Variants in UBR7 observed in about 807,000 individuals in gnomAD.
UBR7 encodes putative E3 ubiquitin-protein ligase UBR7.
Under a neutral mutation model 57.0 loss-of-function variants are expected in UBR7, and 22 were observed. The observed-to-expected ratio is 0.39, with a 90% CI of 0.28 to 0.55. UBR7 has a LOEUF of 0.55. UBR7 is among the 20% of genes least tolerant of loss of function. The pLI, the probability that UBR7 is intolerant of heterozygous loss-of-function variation, is 0.69. For synonymous variants in UBR7, 167 were observed against 179.8 expected (o/e 0.93, Z 0.57); for missense variants, 395 against 513.2 (o/e 0.77, Z 2.23).
chr14:93,211,091 C>T (rs1174433653), intron 3 of UBR7, among the ~76,000 whole-genome samples: 2 of 152,080 alleles, frequency 1.3e-5, no homozygotes, highest in Non-Finnish European at 2.9e-5. Context: ...CAAAAATTAG[C>T]TGGGCATGGT....
chr14:93,218,776 C>G (rs1167371106), intron 7 of UBR7, 41 bp downstream of exon 7: 2 of 1,594,188 alleles, frequency 1.3e-6, no homozygotes, highest in East Asian at 4.5e-5. Context: ...TAAGACTGGG[C>G]CAGGCGCGGT....
At chr14:93,207,994 A>C (rs192039217) in intron 1 of UBR7, among the ~76,000 whole-genome samples, 2 of 151,808 alleles carry the variant, frequency 1.3e-5, no homozygotes, top group African/African-American at 4.8e-5. Context: ...GCAAGTACCC[A>C]TGTCTATCTG....
At chr14:93,217,556 A>G (rs539228499) in intron 6 of UBR7, among the ~76,000 whole-genome samples, 1 of 152,288 alleles carries the variant, frequency 6.6e-6, no homozygotes, top group Admixed American at 6.5e-5. Context: ...TGTGTTTACA[A>G]TTCAATCTCT....
In UBR7 at chr14:93,211,312, C is replaced by T. The variant is rs189594534; in HGVS notation, c.345+604C>T. On this transcript the variant is annotated intron_variant, in intron 3 of 10. Transcript: ENST00000013070. ...CTGTAATCCTAGCACTTTGGGAGGC[C>T]GAGGCAGGTGGATCACTTGAGGTCA... Among the ~76,000 whole-genome samples the T allele has an allele frequency of 2.1e-3, 313 of 151,450 alleles. 1 individual carries two copies. Among genetic ancestry groups the T allele is most frequent in the African/African-American group, 6.9e-3 (285 of 41,206 alleles).
intron 8 of UBR7, 82 bp downstream of exon 8, chr14:93,219,443 A>G (rs1894660884): frequency 1.9e-6 from 3 of 1,553,392 alleles, no homozygotes; most frequent in South Asian, 1.2e-5. Context: ...AAAACATTCA[A>G]TTTTTGTACC....
At chr14:93,226,020 A>G (rs1894842572) in intron 10 of UBR7, among the ~76,000 whole-genome samples, 1 of 152,226 alleles carries the variant, frequency 6.6e-6, no homozygotes, top group Admixed American at 6.5e-5. Context: ...GGATGTGTTC[A>G]GCCTCTGCAT....
At position 93,228,470 on chromosome 14, in the gene UBR7, G is replaced by A; in HGVS notation, c.*1435G>A. ...CCAGCATCTGTGTATTCATTCGAGT[G>A]CCCAATCCCTGGATGAGATGAACTA... On this transcript the variant is annotated 3_prime_UTR_variant, in exon 11 of 11. Transcript: ENST00000013070. The A allele has an allele frequency of 2.2e-6, 1 of 454,070 alleles. No homozygotes were observed. Among genetic ancestry groups the A allele is most frequent in the Non-Finnish European group, 4.4e-6 (1 of 226,774 alleles). 28.1% of individuals were successfully genotyped at this position (454,070 alleles called of 1,614,324 possible).
At chr14:93,220,552 T>C (rs1595269178) in intron 9 of UBR7, 141 bp downstream of exon 9, 1 of 986,468 alleles carries the variant, frequency 1.0e-6, no homozygotes, top group East Asian at 2.6e-5. Flanking sequence ...ATTTTCATAT[T>C]GGTGGGTATT....
intron 5 of UBR7, 39 bp downstream of exon 5, chr14:93,215,021 A>G (rs1714854873): frequency 3.8e-6 from 6 of 1,577,352 alleles, no homozygotes; most frequent in Middle Eastern, 1.7e-4. Context: ...CATTGTTGTC[A>G]CAAAAAGATA....
At chr14:93,214,888 G>A (rs753467189) in intron 4 of UBR7, 41 bp from the exon 5 acceptor site, 37 of 1,567,422 alleles carry the variant, frequency 2.4e-5, no homozygotes, top group Non-Finnish European at 3.1e-5. Flanking sequence ...CCATGTTCCC[G>A]AATTCAATGT....
At chr14:93,219,150 A>T (rs1166385400) in intron 7 of UBR7, 62 bp from the exon 8 acceptor site, 2 of 1,571,818 alleles carry the variant, frequency 1.3e-6, no homozygotes, top group African/African-American at 2.7e-5. Flanking sequence ...TCTTTACAAA[A>T]TCTAAACTAT....
Position 93,228,125 on chromosome 14 carries a change from C to CA in UBR7, c.*1090_*1091insA. The stretch of plus-strand genomic sequence containing the variant: ...ATTACAAACAAGGCCCGAGGCTGCA[C>CA]GAATGATGAGTTTTGTGTATATAAT... On this transcript the variant is annotated 3_prime_UTR_variant, in exon 11 of 11. Transcript: ENST00000013070. 1 of 653,096 alleles carries CA rather than the reference C, an allele frequency of 1.5e-6. No homozygotes were observed. The highest frequency in any genetic ancestry group is 2.8e-6 in the Non-Finnish European group (1 of 355,398). 40.5% of individuals were successfully genotyped at this position (653,096 alleles called of 1,614,324 possible).
chr14:93,223,611 T>G, intron 10 of UBR7: 1 of 1,230,874 alleles, frequency 8.1e-7, no homozygotes, highest in Non-Finnish European at 1.2e-6. Context: ...GAAGAACGTG[T>G]TGGGCCTCTT....
chr14:93,217,646 G>A (rs1047008495), intron 6 of UBR7, among the ~76,000 whole-genome samples: 3 of 152,214 alleles, frequency 2.0e-5, no homozygotes, highest in South Asian at 4.1e-4. Flanking sequence ...TGCTTAAGCA[G>A]TGATTGATAT....
intron 10 of UBR7, chr14:93,223,623 G>T: frequency 7.4e-7 from 1 of 1,355,158 alleles, no homozygotes; most frequent in Non-Finnish European, 1.0e-6. Flanking sequence ...GGGCCTCTTG[G>T]TGGTGAAGCG....
chr14:93,221,109 C>G (rs1152437), intron 9 of UBR7, among the ~76,000 whole-genome samples: 36,252 of 150,322 alleles, frequency 0.24, 4,727 homozygotes, highest in South Asian at 0.35. Context: ...CTGCGCCCCC[C>G]CAATTTTTTT....
intron 2 of UBR7, among the ~76,000 whole-genome samples, chr14:93,210,377 C>T (rs1374068216): frequency 1.3e-5 from 2 of 152,142 alleles, no homozygotes; most frequent in Non-Finnish European, 2.9e-5. Flanking sequence ...GCCACCTCGC[C>T]CAGCACTAAT....
chr14:93,218,641 A>G lies in UBR7; in HGVS notation c.716A>G (p.Asp239Gly). The change falls in exon 7 of 11, where the codon GAT becomes GGT. Residue 239 changes from aspartate (D) to glycine (G), a missense_variant. Transcript: ENST00000013070. ...GEHQDSTLKE[D>G]VPEQGKDDVR... Reference sequence around the variant, plus strand: ...CATCAAGATAGTACCCTCAAAGAGGATGTTCCAGAACAGGGAAAGGATGAT... The same window carrying G: ...CATCAAGATAGTACCCTCAAAGAGGGTGTTCCAGAACAGGGAAAGGATGAT... 1.2e-6 allele frequency: 2 copies of G among 1,614,162 alleles called. No individual in the cohort carries two copies. Among genetic ancestry groups the G allele is most frequent in the Non-Finnish European group, 1.7e-6 (2 of 1,180,042 alleles).
In UBR7 at chr14:93,214,934, A is replaced by G. The variant is rs1302888741; in HGVS notation, c.447A>G (p.Pro149=). 1 of 1,613,716 alleles carries G rather than the reference A, an allele frequency of 6.2e-7. No individual in the cohort carries two copies. The highest frequency in any genetic ancestry group is 2.2e-5 in the East Asian group (1 of 44,876). ...AAACTGCTTTTCTCTGTTAGATTCC[A>G]GATGAGATGATCCAGTGCGTAGTCT... ...RPYPDPEDEI[P]DEMIQCVVCE... The change falls in exon 5 of 11, where the codon CCA becomes CCG. Residue 149 remains proline (P), a synonymous_variant. Coordinates refer to ENST00000013070, the MANE Select transcript of UBR7 (RefSeq NM_175748.4).
Sources: allele counts gnomAD v4.1 joint callset (sites outside exome capture counted in the v4.1 genomes callset), GRCh38; gene constraint gnomAD v4.1.1; transcripts MANE v1.5; gene names NCBI Gene and HGNC (gene_info 2026-07-23, HGNC 2026-07-21).